The following REEP3 variants were observed in gnomAD, a reference collection of about 807,000 sequenced individuals.
The protein encoded by REEP3 is receptor expression-enhancing protein 3.
REEP3 carries 20 observed loss-of-function variants against 41.3 expected under a neutral mutation model. The observed-to-expected ratio is 0.48, with a 90% CI of 0.34 to 0.70. The LOEUF (loss-of-function observed/expected upper bound fraction) is 0.70. REEP3 is among the 30% of genes least tolerant of loss of function. The probability of loss-of-function intolerance (pLI) is 0.01; values close to 1 mark genes in which losing one functional copy is unlikely to be tolerated. For missense variants in REEP3, 271 were observed against 308.8 expected (o/e 0.88, Z 0.92); for synonymous variants, 104 against 101.8 (o/e 1.02, Z -0.13).
At chr10:63,581,911 G>A (rs1441248620) in intron 2 of REEP3, among the ~76,000 whole-genome samples, 1 of 148,216 alleles carries the variant, frequency 6.7e-6, no homozygotes, top group Non-Finnish European at 1.5e-5. Flanking sequence ...TTTAAATGAT[G>A]ATGTGCCCAA....
At chr10:63,529,779 CTT>C (rs11442892) in intron 1 of REEP3, among the ~76,000 whole-genome samples, 3 of 142,144 alleles carry the variant, frequency 2.1e-5, no homozygotes, top group African/African-American at 2.6e-5. Flanking sequence ...GAATGTGATT[CTT>C]TTTTTTTTTT....
intron 6 of REEP3, among the ~76,000 whole-genome samples, chr10:63,617,079 C>A (rs557815846): frequency 1.3e-5 from 2 of 152,170 alleles, no homozygotes; most frequent in South Asian, 4.2e-4. Context: ...CCACACTGGC[C>A]TCCTTGCAGT....
rs77968316 is a variant in REEP3, at chr10:63,579,971, A to G, written c.105+13561A>G. 6.3e-3 allele frequency among the ~76,000 whole-genome samples: 954 copies of G among 152,330 alleles called. 3 individuals carry two copies. The highest frequency in any genetic ancestry group is 0.011 in the Admixed American group (171 of 15,302). ...CTTTTTCAGAAAACATAGCCTCACT[A>G]CTTTGAAGAAAATACCAGTAATTTC... On this transcript the variant is annotated intron_variant, in intron 2 of 7. Coordinates refer to ENST00000373758, the MANE Select transcript of REEP3 (RefSeq NM_001001330.3).
rs556968796 is a variant in REEP3, at chr10:63,566,112, C to A, written c.33-226C>A. 1.1e-4 allele frequency among the ~76,000 whole-genome samples: 17 copies of A among 152,234 alleles called. No individual in the cohort carries two copies. In the South Asian group the frequency reaches 3.3e-3, roughly 30 times the overall value. On this transcript the variant is annotated intron_variant, in intron 1 of 7. Transcript: ENST00000373758. ...TGTTAGCCTGGATGGTCTTGATCTCCTGACCTCGTGATCCACCTGCCTCGA... is the reference window on the plus strand; with the variant it reads ...TGTTAGCCTGGATGGTCTTGATCTCATGACCTCGTGATCCACCTGCCTCGA...
intron 1 of REEP3, among the ~76,000 whole-genome samples, chr10:63,541,758 A>G (rs560032644): frequency 6.6e-6 from 1 of 152,314 alleles, no homozygotes; most frequent in African/African-American, 2.4e-5. Flanking sequence ...TCAAAATCTG[A>G]TAATAAAGAT....
intron 1 of REEP3, among the ~76,000 whole-genome samples, chr10:63,522,622 A>C (rs1435960734): frequency 4.6e-5 from 7 of 152,178 alleles, no homozygotes; most frequent in Admixed American, 3.3e-4. Flanking sequence ...CTTCTCTGAT[A>C]AGCTTTAGAA....
intron 1 of REEP3, among the ~76,000 whole-genome samples, chr10:63,546,199 T>C (rs1955577285): frequency 6.6e-6 from 1 of 152,170 alleles, no homozygotes; most frequent in African/African-American, 2.4e-5. Context: ...TCAGATTTTG[T>C]GTTTTAAAAG....
At chr10:63,545,008 C>T (rs1437682449) in intron 1 of REEP3, among the ~76,000 whole-genome samples, 1 of 152,156 alleles carries the variant, frequency 6.6e-6, no homozygotes, top group Admixed American at 6.5e-5. Flanking sequence ...AAAAAGTTAT[C>T]ATCTGCAACT....
intron 1 of REEP3, among the ~76,000 whole-genome samples, chr10:63,540,505 T>C (rs1402981201): frequency 6.6e-6 from 1 of 152,134 alleles, no homozygotes; most frequent in Non-Finnish European, 1.5e-5. Context: ...AAAAATAATA[T>C]GTAATAAAAA....
intron 5 of REEP3, among the ~76,000 whole-genome samples, chr10:63,607,076 G>T (rs1315985969): frequency 6.6e-6 from 1 of 152,202 alleles, no homozygotes; most frequent in Non-Finnish European, 1.5e-5. Context: ...CTTCAGAAGT[G>T]ATTACTTTGT....
intron 2 of REEP3, among the ~76,000 whole-genome samples, chr10:63,567,212 T>C (rs1361941197): frequency 7.4e-6 from 1 of 134,690 alleles, no homozygotes; most frequent in Non-Finnish European, 1.7e-5. Context: ...TAAATTGAGG[T>C]GACATTCACA....
intron 5 of REEP3, among the ~76,000 whole-genome samples, chr10:63,605,014 G>A (rs972234893): frequency 6.6e-6 from 1 of 152,160 alleles, no homozygotes; most frequent in Non-Finnish European, 1.5e-5. Flanking sequence ...TATCTAGTCG[G>A]TAAAGAATGG....
intron 2 of REEP3, among the ~76,000 whole-genome samples, chr10:63,593,205 G>A (rs1303970808): frequency 3.9e-5 from 6 of 152,136 alleles, no homozygotes; most frequent in African/African-American, 9.7e-5. Context: ...TATTGCCTGC[G>A]AAATACCCAA....
intron 1 of REEP3, among the ~76,000 whole-genome samples, chr10:63,533,997 C>T (rs1024804337): frequency 1.3e-5 from 2 of 151,728 alleles, no homozygotes; most frequent in African/African-American, 2.4e-5. Context: ...CATGACCCAC[C>T]GCGCTTGCCC....
intron 1 of REEP3, among the ~76,000 whole-genome samples, chr10:63,547,196 A>C (rs1044261318): frequency 6.6e-6 from 1 of 152,212 alleles, no homozygotes; most frequent in Non-Finnish European, 1.5e-5. Context: ...CTGGGATTAC[A>C]GGCGTGAGCC....
At chr10:63,569,075 C>G (rs1349639085) in intron 2 of REEP3, among the ~76,000 whole-genome samples, 7 of 152,114 alleles carry the variant, frequency 4.6e-5, no homozygotes, top group Admixed American at 4.6e-4. Context: ...CACAGTAGTG[C>G]TTTTACAGCC....
intron 6 of REEP3, among the ~76,000 whole-genome samples, chr10:63,611,541 C>T (rs995770810): frequency 6.6e-6 from 1 of 152,028 alleles, no homozygotes; most frequent in African/African-American, 2.4e-5. Flanking sequence ...GTTCCTTAGT[C>T]ATTTTATCAC....
intron 5 of REEP3, 125 bp from the exon 6 acceptor site, chr10:63,610,062 T>C: frequency 1.3e-6 from 1 of 748,748 alleles, no homozygotes; most frequent in Non-Finnish European, 2.1e-6. Context: ...ATGTAAACAA[T>C]ATTGGGTGTT....
At chr10:63,610,844 G>A (rs1263957271) in intron 6 of REEP3, among the ~76,000 whole-genome samples, 1 of 152,150 alleles carries the variant, frequency 6.6e-6, no homozygotes, top group African/African-American at 2.4e-5. Context: ...GCCGAGGTGG[G>A]CGGATCACGA....
Sources: gnomAD v4.1 joint callset for allele counts (sites outside exome capture counted in the v4.1 genomes callset) on GRCh38, gnomAD v4.1.1 for gene constraint, MANE v1.5 for transcripts, NCBI Gene and HGNC (gene_info 2026-07-23, HGNC 2026-07-21) for gene names.